UPRT: variants seen among roughly 807,000 people sequenced by gnomAD.
The protein encoded by UPRT is uracil phosphoribosyltransferase homolog.
In UPRT, 5 loss-of-function variants were observed where a neutral mutation model predicts 22.6. The ratio of observed to expected loss-of-function variants is 0.22; its 90% CI spans 0.12 to 0.47. The LOEUF is 0.47. Ranked by LOEUF, UPRT falls within the 20% of genes least tolerant of loss-of-function variation. The probability of loss-of-function intolerance (pLI) is 0.99; values close to 1 mark genes in which losing one functional copy is unlikely to be tolerated. For missense variants in UPRT, 181 were observed against 239.9 expected, an observed-to-expected ratio of 0.75 and a Z score of 1.62; for synonymous variants, 77 against 87.7, an observed-to-expected ratio of 0.88 and a Z score of 0.68.
At chrX:75,254,438 G>T (rs1281277014) in intron 4 of UPRT, among the ~76,000 whole-genome samples, 1 of 112,179 alleles carries the variant, frequency 8.9e-6, no homozygotes, top group Non-Finnish European at 1.9e-5. Context: ...GAAAGTCAGA[G>T]CTCGAAGATA....
intron 4 of UPRT, among the ~76,000 whole-genome samples, chrX:75,232,372 T>C (rs1398221511): frequency 8.9e-6 from 1 of 112,483 alleles, no homozygotes; most frequent in African/African-American, 3.2e-5. Context: ...GAGGGGCGCC[T>C]GCCATTGCCC....
intron 4 of UPRT, among the ~76,000 whole-genome samples, chrX:75,193,802 A>G (rs1041349792): frequency 9.0e-6 from 1 of 111,448 alleles, no homozygotes; most frequent in Admixed American, 9.6e-5. Flanking sequence ...CAACTCTATC[A>G]TATCTGTGAG....
chrX:75,303,542 A>G lies in UPRT; in HGVS notation c.*31A>G, dbSNP rs1156634879. On this transcript the variant is annotated 3_prime_UTR_variant, in exon 7 of 7. Transcript: ENST00000373383. ...TTAAGTAAAATAATTATCTTATGTA[A>G]TATTACAATCATGTTTTGATTTTCT... The G allele has an allele frequency of 4.8e-6, 5 of 1,043,182 alleles. No individual in the cohort carries two copies. Among genetic ancestry groups the G allele is most frequent in the African/African-American group, 1.9e-5 (1 of 52,718 alleles). 86.0% of individuals were successfully genotyped at this position (1,043,182 alleles called of 1,213,427 possible).
At chrX:75,269,954 A>G (rs974955057), upstream of UPRT, among the ~76,000 whole-genome samples, 5 of 111,564 alleles carry the variant, frequency 4.5e-5, no homozygotes, top group Middle Eastern at 4.3e-3. Context: ...AAACTATCAT[A>G]AGGGTGAAAA....
intron 4 of UPRT, among the ~76,000 whole-genome samples, chrX:75,233,129 C>T (rs1040242215): frequency 1.1e-4 from 12 of 111,284 alleles, no homozygotes; most frequent in East Asian, 8.5e-4. Context: ...TGGACAACTA[C>T]GTGAAGAATG....
intron 1 of UPRT, among the ~76,000 whole-genome samples, chrX:75,283,406 T>C (rs2082667057): frequency 9.0e-6 from 1 of 111,676 alleles, no homozygotes; most frequent in South Asian, 3.8e-4. Context: ...TGATTTATGC[T>C]TTAAAGAGTT....
chrX:75,254,761 C>CTTTTTTTTTTTTT, intron 4 of UPRT, among the ~76,000 whole-genome samples: 1 of 47,954 alleles, frequency 2.1e-5, no homozygotes, highest in Non-Finnish European at 3.9e-5. Context: ...AGGAAAGAAT[C>CTTTTTTTTTTTTT]TTTTTTTTTT....
At chrX:75,257,142 C>A (rs1037168034) in intron 4 of UPRT, among the ~76,000 whole-genome samples, 7 of 111,818 alleles carry the variant, frequency 6.3e-5, no homozygotes, top group Admixed American at 3.8e-4. Flanking sequence ...TAACCAAATC[C>A]AAAAACATAT....
Position 75,298,696 on chromosome X carries a change from C to G in UPRT, c.563-1039C>G, listed in dbSNP as rs758512797. On this transcript the variant is annotated intron_variant, in intron 4 of 6. Transcript: ENST00000373383. ...ACTAGGAACTTTAAGCTCCTTTTTT[C>G]TAGGAGGAAGCTCTTAAGCACTGAT... Among the ~76,000 whole-genome samples the G allele has an allele frequency of 8.9e-5, 10 of 111,907 alleles. No homozygotes were observed. In the South Asian group the frequency reaches 3.7e-3, roughly 41 times the overall value.
intron 4 of UPRT, among the ~76,000 whole-genome samples, chrX:75,235,075 A>T (rs1390851176): frequency 1.8e-5 from 2 of 111,137 alleles, no homozygotes; most frequent in Admixed American, 1.9e-4. Flanking sequence ...GAAGAATCAA[A>T]TAGATGCAAA....
intron 4 of UPRT, among the ~76,000 whole-genome samples, chrX:75,206,821 T>C (rs991765237): frequency 9.0e-6 from 1 of 111,009 alleles, no homozygotes; most frequent in Non-Finnish European, 1.9e-5. Flanking sequence ...CCCACCACCA[T>C]GCCTGGCTAA....
intron 4 of UPRT, among the ~76,000 whole-genome samples, chrX:75,238,379 A>C (rs992125164): frequency 2.7e-5 from 3 of 112,150 alleles, no homozygotes; most frequent in African/African-American, 9.7e-5. Flanking sequence ...GTTAAAACAG[A>C]TAAAGAGGGG....
At chrX:75,254,961 G>A (rs2082544672) in intron 4 of UPRT, among the ~76,000 whole-genome samples, 1 of 109,402 alleles carries the variant, frequency 9.1e-6, no homozygotes, top group Non-Finnish European at 1.9e-5. Flanking sequence ...ATTTGTAGTA[G>A]AGACGGGGTT....
intron 4 of UPRT, among the ~76,000 whole-genome samples, chrX:75,242,617 C>T: frequency 7.4e-5 from 1 of 13,447 alleles, no homozygotes; most frequent in Non-Finnish European, 8.4e-3. Flanking sequence ...TATCAAGTTA[C>T]TTAAAAATCA....
chrX:75,199,696 G>A, intron 4 of UPRT, among the ~76,000 whole-genome samples: 1 of 111,503 alleles, frequency 9.0e-6, no homozygotes, highest in Middle Eastern at 4.6e-3. Flanking sequence ...AGCCACAGGG[G>A]TGTAGAGCAC....
intron 4 of UPRT, among the ~76,000 whole-genome samples, chrX:75,264,080 A>C (rs969515402): frequency 8.9e-6 from 1 of 111,793 alleles, no homozygotes; most frequent in Non-Finnish European, 1.9e-5. Context: ...GTGGTCTGAG[A>C]GACAGTTTGT....
At chrX:75,225,323 CCACACACACACACACACA>C (rs57493246) in intron 4 of UPRT, among the ~76,000 whole-genome samples, 7 of 82,041 alleles carry the variant, frequency 8.5e-5, no homozygotes, top group East Asian at 8.6e-4. Context: ...AAACCAAAAA[CCACACACACACACACACA>C]CACACACACA....
intron 1 of UPRT, among the ~76,000 whole-genome samples, chrX:75,275,680 A>G (rs2082628528): frequency 9.0e-6 from 1 of 111,218 alleles, no homozygotes; most frequent in African/African-American, 3.3e-5. Flanking sequence ...TTGGCTTCTC[A>G]GAGCCTACCA....
At chrX:75,162,657 C>T (rs1230798150) in intron 2 of UPRT, among the ~76,000 whole-genome samples, 1 of 111,642 alleles carries the variant, frequency 9.0e-6, no homozygotes, top group African/African-American at 3.3e-5. Context: ...TGTAATATCA[C>T]TAAGATACCT....
Sources: gnomAD v4.1 joint callset for allele counts (sites outside exome capture counted in the v4.1 genomes callset) on GRCh38, gnomAD v4.1.1 for gene constraint, MANE v1.5 for transcripts, NCBI Gene and HGNC (gene_info 2026-07-23, HGNC 2026-07-21) for gene names.